The following TSPAN18 variants were observed in gnomAD, a reference collection of about 807,000 sequenced individuals.
TSPAN18 encodes the protein tetraspanin-18.
In TSPAN18, 14 loss-of-function variants were observed where a neutral mutation model predicts 27.3. That is an observed-to-expected ratio of 0.51 (90% CI 0.34 to 0.80). TSPAN18 has a LOEUF of 0.80. TSPAN18 is among the 30% of genes least tolerant of loss of function. TSPAN18 has a pLI of 0.01. For synonymous variants in TSPAN18, 143 were observed against 136.5 expected (o/e 1.05, Z -0.33); for missense variants, 268 against 323.9 (o/e 0.83, Z 1.32).
chr11:44,794,323 G>C (rs1341523279), intron 2 of TSPAN18, among the ~76,000 whole-genome samples: 4 of 152,186 alleles, frequency 2.6e-5, no homozygotes, highest in Admixed American at 2.6e-4. Flanking sequence ...GTGTGTGTGT[G>C]TGCACGTGTG....
chr11:44,771,456 G>T (rs1448157811), intron 2 of TSPAN18, among the ~76,000 whole-genome samples: 1 of 152,218 alleles, frequency 6.6e-6, no homozygotes, highest in Non-Finnish European at 1.5e-5. Context: ...GCCTGAGCTG[G>T]AGGAGGCCAC....
Position 44,763,747 on chromosome 11 carries a change from G to A in TSPAN18, c.-239-679G>A, listed in dbSNP as rs75795047. ...GCCATCACATGGATATATAGGCTCC[G>A]GGCTGACTTGGGAAGATTGAAAATA... On this transcript the variant is annotated intron_variant, in intron 1 of 9. Coordinates refer to ENST00000520358, the MANE Select transcript of TSPAN18 (RefSeq NM_130783.5). 6.4e-3 allele frequency among the ~76,000 whole-genome samples: 969 copies of A among 152,146 alleles called. 10 individuals are homozygous for A. Among genetic ancestry groups the A allele is most frequent in the East Asian group, 0.021 (110 of 5,174 alleles).
At chr11:44,900,915 A>C (rs893435455) in intron 3 of TSPAN18, among the ~76,000 whole-genome samples, 2 of 151,876 alleles carry the variant, frequency 1.3e-5, no homozygotes, top group African/African-American at 4.8e-5. Flanking sequence ...AGTTGGTCTC[A>C]AACTCCTGAC....
chr11:44,857,356 G>C (rs2135203254), intron 2 of TSPAN18, among the ~76,000 whole-genome samples: 1 of 152,338 alleles, frequency 6.6e-6, no homozygotes, highest in Middle Eastern at 3.4e-3. Context: ...CAACCACAGA[G>C]CCAGTGTCTA....
intron 5 of TSPAN18, among the ~76,000 whole-genome samples, chr11:44,912,391 G>A (rs1330633256): frequency 6.6e-6 from 1 of 151,110 alleles, no homozygotes; most frequent in African/African-American, 2.4e-5. Context: ...CTCCCTCCCC[G>A]TTTCCCTGTC....
intron 1 of TSPAN18, among the ~76,000 whole-genome samples, chr11:44,735,262 C>T (rs117470400): frequency 0.011 from 1,644 of 152,348 alleles, 22 homozygotes; most frequent in Non-Finnish European, 0.016. Flanking sequence ...TTCTGTGGTG[C>T]AGGGCAGCAG....
chr11:44,834,087 C>A (rs1235716623), intron 2 of TSPAN18, among the ~76,000 whole-genome samples: 1 of 151,816 alleles, frequency 6.6e-6, no homozygotes, highest in African/African-American at 2.4e-5. Flanking sequence ...GGCTTAAACC[C>A]AGGCAGGAAC....
chr11:44,908,769 G>GAAAGGAAAGAAAGAAAGAAAGAAAGAA lies in TSPAN18; in HGVS notation c.64-935_64-934insAAGGAAAGAAAGAAAGAAAGAAAGAAA, dbSNP rs1554938043. Among the ~76,000 whole-genome samples the GAAAGGAAAGAAAGAAAGAAAGAAAGAA allele has an allele frequency of 1.4e-4, 10 of 71,698 alleles. 1 individual carries two copies. The highest frequency in any genetic ancestry group is 1.3e-3 in the East Asian group (3 of 2,296). 47.0% of individuals were successfully genotyped at this position (71,698 alleles called of 152,430 possible). A position where few individuals can be genotyped will look rare whatever the true frequency, so the allele number is the denominator to read the frequency against. On this transcript the variant is annotated intron_variant, in intron 4 of 9. Coordinates refer to ENST00000520358, the MANE Select transcript of TSPAN18 (RefSeq NM_130783.5). ...AAGAGAGAGAGAGAGAGAGAGAAAG[G>GAAAGGAAAGAAAGAAAGAAAGAAAGAA]AGAAAGAAAGAAAGAAAGAAAGAAA...
At chr11:44,807,231 AAAAAAG>A (rs1474397935) in intron 2 of TSPAN18, among the ~76,000 whole-genome samples, 11 of 21,382 alleles carry the variant, frequency 5.1e-4, no homozygotes, top group South Asian at 5.4e-3. Context: ...AAAAAAAAAA[AAAAAAG>A]AAGGAAAGAG....
chr11:44,755,790 G>A (rs1458384217), intron 1 of TSPAN18, among the ~76,000 whole-genome samples: 2 of 152,140 alleles, frequency 1.3e-5, no homozygotes, highest in East Asian at 3.9e-4. Flanking sequence ...GGCATCCAGG[G>A]TCTCCCTGAG....
At chr11:44,774,170 A>G (rs1223755605) in intron 2 of TSPAN18, among the ~76,000 whole-genome samples, 2 of 152,200 alleles carry the variant, frequency 1.3e-5, no homozygotes, top group Non-Finnish European at 2.9e-5. Flanking sequence ...TTTGGAGCTG[A>G]GATTTTTCTC....
chr11:44,763,489 G>A (rs1035174293), intron 1 of TSPAN18, among the ~76,000 whole-genome samples: 12 of 152,032 alleles, frequency 7.9e-5, no homozygotes, highest in East Asian at 3.8e-4. Context: ...TTTTACCACC[G>A]GAGACTTTCC....
chr11:44,818,030 T>A (rs1856848753), intron 2 of TSPAN18, among the ~76,000 whole-genome samples: 1 of 152,208 alleles, frequency 6.6e-6, no homozygotes, highest in Non-Finnish European at 1.5e-5. Flanking sequence ...GAAATGGGGC[T>A]GGGGTAGGGA....
At chr11:44,882,589 C>CAG (rs1858521330) in intron 3 of TSPAN18, among the ~76,000 whole-genome samples, 1 of 59,740 alleles carries the variant, frequency 1.7e-5, no homozygotes, top group Non-Finnish European at 5.9e-5. Flanking sequence ...GAGAGAGAGA[C>CAG]ACACACACAC....
chr11:44,808,848 CTT>C (rs1856657388), intron 2 of TSPAN18, among the ~76,000 whole-genome samples: 1 of 152,116 alleles, frequency 6.6e-6, no homozygotes, highest in South Asian at 2.1e-4. Context: ...CACATGGACT[CTT>C]TGCTTGAAAA....
chr11:44,908,789 A>AAGAG (rs1431600363), intron 4 of TSPAN18, among the ~76,000 whole-genome samples: 2 of 112,904 alleles, frequency 1.8e-5, no homozygotes, highest in Non-Finnish European at 3.7e-5. Flanking sequence ...GAAAGAAAGA[A>AAGAG]AGAAAGAAAG....
chr11:44,727,979 G>C (rs951005600), intron 1 of TSPAN18, among the ~76,000 whole-genome samples: 1 of 152,232 alleles, frequency 6.6e-6, no homozygotes, highest in African/African-American at 2.4e-5. Flanking sequence ...GCCGGCTCCG[G>C]GTCCTGCTGG....
At chr11:44,915,042 G>A (rs1248512374) in intron 5 of TSPAN18, among the ~76,000 whole-genome samples, 1 of 152,224 alleles carries the variant, frequency 6.6e-6, no homozygotes, top group African/African-American at 2.4e-5. Context: ...GGCACACAGA[G>A]TACACGAGGC....
chr11:44,912,468 A>G (rs1047388079), intron 5 of TSPAN18, among the ~76,000 whole-genome samples: 1 of 151,822 alleles, frequency 6.6e-6, no homozygotes, highest in Admixed American at 6.6e-5. Context: ...CTGAGGTCAC[A>G]GTGTGGGTCA....
Sources: allele counts gnomAD v4.1 joint callset (sites outside exome capture counted in the v4.1 genomes callset), GRCh38; gene constraint gnomAD v4.1.1; transcripts MANE v1.5; gene names NCBI Gene and HGNC (gene_info 2026-07-23, HGNC 2026-07-21).